The following AK9 variants were observed in gnomAD, a reference collection of about 807,000 sequenced individuals.
AK9 encodes adenylate kinase domain containing 1.
Under a neutral mutation model 239.6 loss-of-function variants are expected in AK9, and 191 were observed. The ratio of observed to expected loss-of-function variants is 0.80; its 90% CI spans 0.71 to 0.90. AK9 has a LOEUF of 0.90. Ranked by LOEUF, AK9 falls within the 40% of genes least tolerant of loss-of-function variation. AK9 has a pLI of 0.00. For synonymous variants in AK9, 689 were observed against 721.0 expected, an observed-to-expected ratio of 0.96 and a Z score of 0.71; for missense variants, 1,995 against 2,214.7, an observed-to-expected ratio of 0.90 and a Z score of 1.99.
chr6:109,502,675 G>C (rs1398919146), intron 35 of AK9, among the ~76,000 whole-genome samples: 1 of 152,188 alleles, frequency 6.6e-6, no homozygotes, highest in Non-Finnish European at 1.5e-5. Context: ...GCCCTTTCAG[G>C]TTGTTCACTT....
intron 38 of AK9, among the ~76,000 whole-genome samples, chr6:109,495,982 TA>T (rs77612648): frequency 0.021 from 2,999 of 141,328 alleles, 64 homozygotes; most frequent in African/African-American, 0.058. Flanking sequence ...ATTCCCCATT[TA>T]AAAAAAAAAA....
chr6:109,684,606 G>A (rs1382678890), intron 1 of AK9, among the ~76,000 whole-genome samples: 1 of 151,726 alleles, frequency 6.6e-6, no homozygotes, highest in Non-Finnish European at 1.5e-5. Context: ...CGGGCGCGGT[G>A]GCTCACGCCT....
At chr6:109,560,775 G>C (rs1214761899) in intron 24 of AK9, among the ~76,000 whole-genome samples, 2 of 151,992 alleles carry the variant, frequency 1.3e-5, no homozygotes, top group African/African-American at 4.8e-5. Context: ...GAATAATGCT[G>C]ATCTCATAGA....
chr6:109,506,268 T>G (rs1778109623), intron 35 of AK9, 59 bp downstream of exon 35: 1 of 1,495,470 alleles, frequency 6.7e-7, no homozygotes, highest in Non-Finnish European at 9.2e-7. Context: ...GTAACATGAG[T>G]CAGGCATGTT....
intron 35 of AK9, among the ~76,000 whole-genome samples, chr6:109,501,568 G>A (rs1214336743): frequency 6.6e-6 from 1 of 152,188 alleles, no homozygotes; most frequent in Non-Finnish European, 1.5e-5. Context: ...TAAAACCATT[G>A]CTTATTGGCT....
At chr6:109,521,939 T>G (rs1057253862) in intron 29 of AK9, among the ~76,000 whole-genome samples, 3 of 152,052 alleles carry the variant, frequency 2.0e-5, no homozygotes, top group African/African-American at 7.2e-5. Flanking sequence ...TTATTCACCA[T>G]ATCAATTGGC....
chr6:109,603,447 G>A (rs1435213956), intron 17 of AK9, among the ~76,000 whole-genome samples: 3 of 152,172 alleles, frequency 2.0e-5, no homozygotes, highest in Non-Finnish European at 4.4e-5. Flanking sequence ...CGTCTCAGAG[G>A]GGTACCTGGC....
In AK9 at chr6:109,533,390, T is replaced by G. The variant is rs1420040022; in HGVS notation, c.3431A>C (p.Asp1144Ala). The change falls in exon 28 of 41, where the codon GAT becomes GCT. Residue 1144 changes from aspartate (D) to alanine (A), a missense_variant. Around this residue, in one of 5 missense-constraint regions of AK9, gnomAD observed 1,290 missense variants for 1,392.7 expected, o/e 0.93. Coordinates refer to ENST00000424296, the MANE Select transcript of AK9 (RefSeq NM_001145128.3). ...ATCAACTTGTATAAAAACAGCTGCATCTGGGAAAAATCCACGATCTCCCAA... is the reference window on the plus strand; with the variant it reads ...ATCAACTTGTATAAAAACAGCTGCAGCTGGGAAAAATCCACGATCTCCCAA... ...QFLGDRGFFP[D>A]AAVFIQVDDQ... The G allele has an allele frequency of 1.2e-6, 2 of 1,610,890 alleles. No homozygotes were observed. The highest frequency in any genetic ancestry group is 2.2e-5 in the East Asian group (1 of 44,800).
intron 1 of AK9, among the ~76,000 whole-genome samples, chr6:109,687,473 C>G (rs1301849047): frequency 6.6e-6 from 1 of 152,128 alleles, no homozygotes; most frequent in Non-Finnish European, 1.5e-5. Flanking sequence ...TTTTAGGGGA[C>G]TGGAGGGAGA....
intron 26 of AK9, among the ~76,000 whole-genome samples, chr6:109,542,703 G>C (rs1426953945): frequency 2.0e-5 from 3 of 152,064 alleles, no homozygotes; most frequent in Non-Finnish European, 4.4e-5. Flanking sequence ...TTATAGTGTT[G>C]CTTATAAACA....
At chr6:109,502,731 T>C (rs1777717505) in intron 35 of AK9, among the ~76,000 whole-genome samples, 1 of 152,208 alleles carries the variant, frequency 6.6e-6, no homozygotes, top group Non-Finnish European at 1.5e-5. Flanking sequence ...GGCAAGGAAC[T>C]GAGGGTGGCC....
chr6:109,493,534 CT>C lies in AK9; in HGVS notation c.5570del (p.Lys1857SerfsTer16). 1.9e-6 allele frequency: 3 copies of C among 1,613,968 alleles called. No individual in the cohort carries two copies. Among genetic ancestry groups the C allele is most frequent in the Non-Finnish European group, 2.5e-6 (3 of 1,179,990 alleles). On this transcript the variant is annotated frameshift_variant, in exon 41 of 41. Transcript: ENST00000424296. LOFTEE classifies it high-confidence loss of function. ...NPKGSEYTRK[K>X]YKKKMEQFME... ...TAAACTGCTCCATCTTCTTCTTATACTTTTTTCTTGTGTATTCGGAACCTTT... is the reference window on the plus strand; with the variant it reads ...TAAACTGCTCCATCTTCTTCTTATACTTTTTCTTGTGTATTCGGAACCTTT...
At chr6:109,600,093 G>A (rs1791695338) in intron 17 of AK9, among the ~76,000 whole-genome samples, 1 of 152,014 alleles carries the variant, frequency 6.6e-6, no homozygotes. Flanking sequence ...TGATTGCCTT[G>A]GCCAGAACTT....
intron 5 of AK9, among the ~76,000 whole-genome samples, chr6:109,665,211 A>G (rs1354135261): frequency 6.6e-6 from 1 of 152,240 alleles, no homozygotes; most frequent in East Asian, 1.9e-4. Flanking sequence ...TTAAAAAGGC[A>G]GAAAGGATGA....
chr6:109,534,383 A>G (rs1029375716), intron 27 of AK9, among the ~76,000 whole-genome samples: 1 of 150,166 alleles, frequency 6.7e-6, no homozygotes, highest in African/African-American at 2.4e-5. Flanking sequence ...TTTAATTGAG[A>G]GAGTCAATAC....
Position 109,659,298 on chromosome 6 carries a change from T to C in AK9, c.560A>G (p.Lys187Arg). ...DPEVIENHRKKKKEAQKDGKG... is the reference protein window; with the variant it reads ...DPEVIENHRKRKKEAQKDGKG... Reference sequence around the variant, plus strand: ...TCCGTCCTTTTGGGCTTCTTTCTTCTTTTTCCTATGATTCTCAATGACTTC... The same window carrying C: ...TCCGTCCTTTTGGGCTTCTTTCTTCCTTTTCCTATGATTCTCAATGACTTC... The change falls in exon 7 of 41, where the codon AAG becomes AGG. Residue 187 changes from lysine (K) to arginine (R), a missense_variant. By Grantham distance (26) the Lys-to-Arg change is conservative. Transcript: ENST00000424296. 6.2e-7 allele frequency: 1 copy of C among 1,606,894 alleles called. No individual in the cohort carries two copies. The highest frequency in any genetic ancestry group is 8.5e-7 in the Non-Finnish European group (1 of 1,178,264).
intron 12 of AK9, among the ~76,000 whole-genome samples, chr6:109,629,226 G>T (rs191036132): frequency 6.6e-6 from 1 of 152,042 alleles, no homozygotes; most frequent in Non-Finnish European, 1.5e-5. Context: ...TTACAGGCAT[G>T]AGCCACCATG....
chr6:109,637,279 T>C (rs1211317569), intron 10 of AK9, among the ~76,000 whole-genome samples: 1 of 152,242 alleles, frequency 6.6e-6, no homozygotes, highest in Non-Finnish European at 1.5e-5. Context: ...GTTCTTTACA[T>C]ATTCTGCATA....
chr6:109,673,952 A>G (rs1771307928), intron 3 of AK9, among the ~76,000 whole-genome samples: 1 of 151,734 alleles, frequency 6.6e-6, no homozygotes, highest in Admixed American at 6.6e-5. Flanking sequence ...TGGGCAACAA[A>G]GCAAGACCAT....
Sources: allele counts gnomAD v4.1 joint callset (sites outside exome capture counted in the v4.1 genomes callset), GRCh38; gene constraint gnomAD v4.1.1; regional missense constraint gnomAD v4.1.1; transcripts MANE v1.5; gene names NCBI Gene and HGNC (gene_info 2026-07-23, HGNC 2026-07-21).